The following TFEC variants were observed in gnomAD, a reference collection of about 807,000 sequenced individuals.
TFEC encodes the protein class E basic helix-loop-helix protein 34.
In TFEC, 31 loss-of-function variants were observed where a neutral mutation model predicts 41.6. That is an observed-to-expected ratio of 0.74 (90% CI 0.56 to 1.01). The LOEUF (loss-of-function observed/expected upper bound fraction) is 1.01. Ranked by LOEUF, TFEC falls within the 50% of genes least tolerant of loss-of-function variation. TFEC has a pLI of 0.00. For synonymous variants in TFEC, 143 were observed against 140.6 expected (o/e 1.02, Z -0.12); for missense variants, 402 against 404.1 (o/e 0.99, Z 0.04).
chr7:115,946,929 T>A (rs1333990601), intron 6 of TFEC, among the ~76,000 whole-genome samples: 1 of 151,354 alleles, frequency 6.6e-6, no homozygotes, highest in Non-Finnish European at 1.5e-5. Context: ...TTTAAATTTA[T>A]TATTATTATA....
intron 1 of TFEC, among the ~76,000 whole-genome samples, chr7:116,136,974 G>A (rs1287228480): frequency 6.6e-6 from 1 of 152,042 alleles, no homozygotes; most frequent in Non-Finnish European, 1.5e-5. Context: ...AAACTGGAAT[G>A]TGTAAAAACT....
chr7:115,947,707 A>C (rs1280355569), intron 6 of TFEC, among the ~76,000 whole-genome samples: 1 of 150,088 alleles, frequency 6.7e-6, no homozygotes, highest in Admixed American at 6.6e-5. Flanking sequence ...TTTTGGCTGC[A>C]TAAATGTCTT....
At chr7:115,957,202 A>G (rs1385410813) in intron 3 of TFEC, among the ~76,000 whole-genome samples, 1 of 151,918 alleles carries the variant, frequency 6.6e-6, no homozygotes. Flanking sequence ...CAAATTAGGT[A>G]TAACGGTTGA....
chr7:116,103,513 C>A (rs1006387967), intron 3 of TFEC, among the ~76,000 whole-genome samples: 1 of 152,104 alleles, frequency 6.6e-6, no homozygotes. Context: ...ATAACCAAGA[C>A]ATGACATTTC....
chr7:116,083,999 A>G (rs1797148160), intron 3 of TFEC, among the ~76,000 whole-genome samples: 1 of 152,070 alleles, frequency 6.6e-6, no homozygotes, highest in South Asian at 2.1e-4. Context: ...TCTTTGATGT[A>G]TTACTTGCTA....
chr7:116,048,663 C>T (rs971548207), intron 3 of TFEC, among the ~76,000 whole-genome samples: 7 of 152,056 alleles, frequency 4.6e-5, no homozygotes, highest in African/African-American at 1.7e-4. Context: ...AAGAGCAACT[C>T]CAAGACACAT....
At chr7:116,056,404 T>C (rs1310731193) in intron 3 of TFEC, among the ~76,000 whole-genome samples, 2 of 152,090 alleles carry the variant, frequency 1.3e-5, no homozygotes, top group Admixed American at 1.3e-4. Flanking sequence ...CAGGTGTTTT[T>C]CTCAAAGTAT....
intron 3 of TFEC, among the ~76,000 whole-genome samples, chr7:115,964,633 T>C (rs1371506079): frequency 6.6e-6 from 1 of 151,606 alleles, no homozygotes; most frequent in Non-Finnish European, 1.5e-5. Context: ...ATCCCATTTA[T>C]TATAAAACTC....
chr7:115,944,060 C>G (rs1298586033), intron 6 of TFEC, among the ~76,000 whole-genome samples: 3 of 29,024 alleles, frequency 1.0e-4, no homozygotes, highest in Non-Finnish European at 2.7e-4. Flanking sequence ...TTTTGTGACT[C>G]CTGACTTAGA....
intron 3 of TFEC, among the ~76,000 whole-genome samples, chr7:116,044,637 T>C (rs577651146): frequency 6.6e-6 from 1 of 152,364 alleles, no homozygotes; most frequent in Admixed American, 6.5e-5. Context: ...AAGGGTTTAA[T>C]GGTTAGGTAA....
chr7:116,020,659 A>G (rs1199652171), intron 1 of TFEC, among the ~76,000 whole-genome samples: 1 of 152,202 alleles, frequency 6.6e-6, no homozygotes, highest in East Asian at 1.9e-4. Context: ...TAGAATACGT[A>G]AAGTGACTCT....
At chr7:116,129,352 A>G (rs1034844087) in intron 1 of TFEC, among the ~76,000 whole-genome samples, 2 of 150,968 alleles carry the variant, frequency 1.3e-5, no homozygotes, top group Non-Finnish European at 2.9e-5. Flanking sequence ...TCCTCCCTCA[A>G]TTGACTCAGG....
intron 2 of TFEC, chr7:116,111,896 T>TCA (rs1400059501): frequency 1.3e-5 from 7 of 533,240 alleles, no homozygotes; most frequent in Non-Finnish European, 1.7e-5. Context: ...TTATAAGATA[T>TCA]CATACCACAC....
chr7:116,061,423 T>G (rs1427115319), intron 3 of TFEC, among the ~76,000 whole-genome samples: 4 of 152,116 alleles, frequency 2.6e-5, no homozygotes, highest in Non-Finnish European at 5.9e-5. Context: ...GAATTTTTAA[T>G]CCATAACTTG....
chr7:116,082,866 G>C (rs1181988349), intron 3 of TFEC, among the ~76,000 whole-genome samples: 1 of 151,782 alleles, frequency 6.6e-6, no homozygotes, highest in East Asian at 1.9e-4. Context: ...TTTAATAGAT[G>C]TTTTATTTAA....
intron 2 of TFEC, chr7:116,111,877 T>C: frequency 2.8e-6 from 1 of 355,564 alleles, no homozygotes; most frequent in Non-Finnish European, 4.0e-6. Context: ...TAAACTCTGG[T>C]TTTAGTGTTT....
At chr7:116,038,685 C>A (rs1247255161) in intron 3 of TFEC, among the ~76,000 whole-genome samples, 1 of 151,996 alleles carries the variant, frequency 6.6e-6, no homozygotes, top group Non-Finnish European at 1.5e-5. Context: ...GATGGCATGT[C>A]TCATGATTGA....
intron 3 of TFEC, among the ~76,000 whole-genome samples, chr7:116,097,519 G>T (rs1797494904): frequency 6.6e-6 from 1 of 152,122 alleles, no homozygotes; most frequent in Non-Finnish European, 1.5e-5. Context: ...GACAGCAAAA[G>T]TTAATCTGAT....
At chr7:116,016,671 AGCTACGTAGTATATATAAT>A (rs1312108976) in intron 1 of TFEC, among the ~76,000 whole-genome samples, 1 of 151,940 alleles carries the variant, frequency 6.6e-6, no homozygotes, top group Non-Finnish European at 1.5e-5. Flanking sequence ...TAGGAGGCCC[AGCTACGTAGTATATATAAT>A]ATATAGTATA....
Sources: gnomAD v4.1 joint callset for allele counts (sites outside exome capture counted in the v4.1 genomes callset) on GRCh38, gnomAD v4.1.1 for gene constraint, MANE v1.5 for transcripts, NCBI Gene and HGNC (gene_info 2026-07-23, HGNC 2026-07-21) for gene names.